COMMD4: variants seen among roughly 807,000 people sequenced by gnomAD.
COMMD4 encodes COMM domain-containing protein 4.
COMMD4 carries 18 observed loss-of-function variants against 27.5 expected under a neutral mutation model. The observed-to-expected ratio is 0.65, with a 90% CI of 0.45 to 0.97. The LOEUF is 0.97. Ranked by LOEUF, COMMD4 falls within the 50% of genes least tolerant of loss-of-function variation. The pLI is 0.00. For synonymous variants in COMMD4, 108 were observed against 108.4 expected (o/e 1.00, Z 0.02); for missense variants, 243 against 250.0 (o/e 0.97, Z 0.19).
intron 1 of COMMD4, chr15:75,336,335 C>A: frequency 7.4e-7 from 1 of 1,353,268 alleles, no homozygotes; most frequent in East Asian, 2.6e-5. Context: ...GCTTCCCTGG[C>A]GGAAGGAAGG....
Position 75,339,818 on chromosome 15 carries a change from A to G in COMMD4, c.499A>G (p.Thr167Ala), listed in dbSNP as rs748389433. The change falls in exon 7 of 8, where the codon ACC becomes GCC. Residue 167 changes from threonine to alanine, a missense_variant. Physicochemically the swap from Thr to Ala is moderately conservative, Grantham distance 58 (BLOSUM62 0). Transcript: ENST00000267935. ...GCTGGAGGTGGCAGCTGCCCCAGGG[A>G]CCCCAGCCCAGCCTGTTGCCATGTC... ...LRLEVAAAPG[T>A]PAQPVAMSLS... 1 of 1,613,912 alleles carries G rather than the reference A, an allele frequency of 6.2e-7. No individual in the cohort carries two copies. The highest frequency in any genetic ancestry group is 8.5e-7 in the Non-Finnish European group (1 of 1,179,942).
downstream of COMMD4, chr15:75,342,698 T>C (rs1280775167): frequency 6.6e-6 from 1 of 152,212 alleles, no homozygotes; most frequent in Non-Finnish European, 1.5e-5. Context: ...CCCAGCGTGG[T>C]GACCAGTTAA....
At chr15:75,339,422 G>T in intron 6 of COMMD4, 78 bp downstream of exon 6, 1 of 1,562,220 alleles carries the variant, frequency 6.4e-7, no homozygotes, top group East Asian at 2.4e-5. Flanking sequence ...AGAGTCCAGG[G>T]AGACGACTTA....
At position 75,338,732 on chromosome 15, in the gene COMMD4, TG is replaced by T. The variant is rs1567204491; in HGVS notation, c.181+49del. On this transcript the variant is annotated intron_variant, in intron 4 of 7. Coordinates refer to ENST00000267935, the MANE Select transcript of COMMD4 (RefSeq NM_017828.5). ...TAGGCCCCAGGCAACCCTGGGAACT[TG>T]GCCTGGTGCCTGGTACAGAGGGGCC... The T allele has an allele frequency of 1.3e-6, 2 of 1,598,660 alleles. 1 individual carries two copies. The highest frequency in any genetic ancestry group is 1.7e-6 in the Non-Finnish European group (2 of 1,170,114).
At chr15:75,341,805 G>C (rs1449169871), downstream of COMMD4, 1 of 152,224 alleles carries the variant, frequency 6.6e-6, no homozygotes, top group African/African-American at 2.4e-5. Context: ...GCCAGGTGCA[G>C]TGGCCCATGC....
intron 6 of COMMD4, 94 bp downstream of exon 6, chr15:75,339,438 G>A (rs1457320869): frequency 1.4e-5 from 21 of 1,526,974 alleles, no homozygotes; most frequent in Non-Finnish European, 1.7e-5. Flanking sequence ...ACTTAACCAC[G>A]GTCACATGGT....
At chr15:75,336,195 A>T in intron 1 of COMMD4, 103 bp downstream of exon 1, 2 of 1,549,070 alleles carry the variant, frequency 1.3e-6, no homozygotes, top group South Asian at 2.4e-5. Context: ...CCTCTCCGCA[A>T]ACACAGTGTG....
chr15:75,339,168 G>A, intron 5 of COMMD4, 64 bp downstream of exon 5: 1 of 1,612,210 alleles, frequency 6.2e-7, no homozygotes, highest in Non-Finnish European at 8.5e-7. Flanking sequence ...AAGGGGACAG[G>A]CCCTGTGACC....
At chr15:75,336,994 A>C (rs2071222104) in intron 1 of COMMD4, 1 of 152,246 alleles carries the variant, frequency 6.6e-6, no homozygotes, top group African/African-American at 2.4e-5. Context: ...CAAGTAGAGA[A>C]CAAATCTTCC....
At position 75,339,284 on chromosome 15, in the gene COMMD4, C is replaced by G; in HGVS notation, c.322C>G (p.Arg108Gly). 1 of 1,612,050 alleles carries G rather than the reference C, an allele frequency of 6.2e-7. No individual in the cohort carries two copies. Among genetic ancestry groups the G allele is most frequent in the Non-Finnish European group, 8.5e-7 (1 of 1,179,976 alleles). ...LPKEHAASLC[R>G]CYEEKQSPLQ... ...CCCAGAGCACGCGGCCAGCCTGTGC[C>G]GCTGTTATGAGGAGAAGCAAAGCCC... Residue 108 changes from arginine (R) to glycine (G), a missense_variant, in exon 6 of 8, where the codon CGC becomes GGC. Coordinates refer to ENST00000267935, the MANE Select transcript of COMMD4 (RefSeq NM_017828.5).
chr15:75,339,659 C>T (rs373387626), intron 6 of COMMD4, 43 bp from the exon 7 acceptor site: 70 of 1,543,796 alleles, frequency 4.5e-5, no homozygotes, highest in Non-Finnish European at 5.9e-5. Flanking sequence ...GTCTACTTGG[C>T]TTGCCTGCTT....
chr15:75,339,587 G>T, intron 6 of COMMD4, 115 bp from the exon 7 acceptor site: 1 of 1,248,036 alleles, frequency 8.0e-7, no homozygotes, highest in East Asian at 2.5e-5. Context: ...CAGCAGGATG[G>T]GAGCTTCTTA....
In COMMD4 at chr15:75,340,056, A is replaced by T; in HGVS notation, c.*51A>T. 2 of 1,604,730 alleles carry T rather than the reference A, an allele frequency of 1.2e-6. No homozygotes were observed. The highest frequency in any genetic ancestry group is 8.5e-7 in the Non-Finnish European group (1 of 1,175,006). On this transcript the variant is annotated 3_prime_UTR_variant, in exon 8 of 8. Transcript: ENST00000267935. ...GGAGCCGCCCTGCCCGTATGGAGTC[A>T]CGCCCTCTGAACTGCTCTTCGGGAG...
At position 75,336,092 on chromosome 15, in the gene COMMD4, G is replaced by GT; in HGVS notation, c.3_3+1insT (p.Arg2Ter). 2 of 1,549,822 alleles carry GT rather than the reference G, an allele frequency of 1.3e-6. No homozygotes were observed. The highest frequency in any genetic ancestry group is 1.7e-6 in the Non-Finnish European group (2 of 1,146,832). ...CCGGGCCCTGGCTTCTTGGCGCGAT[G>GT]GTGAGGCACTAGGGGCGAAGCGAGG... On this transcript the variant is annotated frameshift_variant and splice_region_variant. Transcript: ENST00000267935. LOFTEE classifies it high-confidence loss of function.
intron 4 of COMMD4, 129 bp downstream of exon 4, chr15:75,338,814 G>T (rs2071329161): frequency 7.0e-7 from 1 of 1,425,292 alleles, no homozygotes; most frequent in Non-Finnish European, 9.8e-7. Context: ...GGAGCATGAG[G>T]GAAAGAAAGA....
Position 75,339,028 on chromosome 15 carries a change from C to T in COMMD4, c.225C>T (p.Ile75=), listed in dbSNP as rs867068408. The T allele has an allele frequency of 1.2e-6, 2 of 1,613,894 alleles. No individual in the cohort carries two copies. Among genetic ancestry groups the T allele is most frequent in the East Asian group, 2.2e-5 (1 of 44,886 alleles). The change falls in exon 5 of 8, where the codon ATC becomes ATT. Residue 75 remains isoleucine, a synonymous_variant. Coordinates refer to ENST00000267935, the MANE Select transcript of COMMD4 (RefSeq NM_017828.5). ...VKATVAVLSF[I]LSSAAKHSVD... Reference sequence around the variant, plus strand: ...CCACAGTGGCAGTGCTGAGTTTCATCCTCTCCAGTGCGGCCAAGCACAGTG... The same window carrying T: ...CCACAGTGGCAGTGCTGAGTTTCATTCTCTCCAGTGCGGCCAAGCACAGTG...
chr15:75,336,319 C>G, intron 1 of COMMD4: 1 of 1,398,338 alleles, frequency 7.2e-7, no homozygotes, highest in African/African-American at 1.5e-5. Flanking sequence ...GGCTTAGAGT[C>G]CCGGTGCTTC....
chr15:75,338,544 C>G (rs1333105899), intron 3 of COMMD4, 102 bp from the exon 4 acceptor site: 2 of 1,576,388 alleles, frequency 1.3e-6, no homozygotes, highest in East Asian at 2.3e-5. Context: ...ACCTCCCTTC[C>G]TTCTTTCCAG....
At chr15:75,342,918 A>C (rs1354019460), downstream of COMMD4, 1 of 152,138 alleles carries the variant, frequency 6.6e-6, no homozygotes, top group South Asian at 2.1e-4. Flanking sequence ...TCCCGAGTTC[A>C]AGTGATTCTC....
Sources: gnomAD v4.1 joint callset for allele counts on GRCh38, gnomAD v4.1.1 for gene constraint, MANE v1.5 for transcripts, NCBI Gene and HGNC (gene_info 2026-07-23, HGNC 2026-07-21) for gene names.